UBE2W: variants seen among roughly 807,000 people sequenced by gnomAD.
UBE2W encodes the protein ubiquitin-conjugating enzyme E2 W.
Under a neutral mutation model 27.2 loss-of-function variants are expected in UBE2W, and 18 were observed. The observed-to-expected ratio is 0.66, with a 90% CI of 0.46 to 0.98. UBE2W has a LOEUF of 0.98. UBE2W is among the 50% of genes least tolerant of loss of function. The pLI is 0.00. For synonymous variants in UBE2W, 53 were observed against 57.2 expected (o/e 0.93, Z 0.33); for missense variants, 90 against 180.2 (o/e 0.50, Z 2.87).
chr8:73,853,511 T>A (rs1281847916), intron 1 of UBE2W, among the ~76,000 whole-genome samples: 3 of 152,172 alleles, frequency 2.0e-5, no homozygotes, highest in African/African-American at 7.2e-5. Flanking sequence ...TCCTCCTGCC[T>A]CAGCCTCAAA....
rs1808056820 is a variant in UBE2W, at chr8:73,788,492, G to T, written c.*5610C>A. On this transcript the variant is annotated 3_prime_UTR_variant, in exon 6 of 6. Coordinates refer to ENST00000602593, the MANE Select transcript of UBE2W (RefSeq NM_018299.6). ...TCAACCCAATAATCCATTTTACCTT[G>T]AACCTGACCACCAATTTGCCTTTAC... The T allele has an allele frequency of 2.0e-6, 2 of 985,232 alleles. No homozygotes were observed. The highest frequency in any genetic ancestry group is 2.4e-6 in the Non-Finnish European group (2 of 829,908). 61.0% of individuals were successfully genotyped at this position (985,232 alleles called of 1,614,324 possible).
chr8:73,808,784 G>C (rs1403141263), intron 4 of UBE2W, among the ~76,000 whole-genome samples: 1 of 152,102 alleles, frequency 6.6e-6, no homozygotes, highest in Non-Finnish European at 1.5e-5. Context: ...GCTTTAAATG[G>C]AATGATTAGT....
rs553507896 is a variant in UBE2W, at chr8:73,845,356, G to C, written c.16-14884C>G. On this transcript the variant is annotated intron_variant, in intron 1 of 5. Coordinates refer to ENST00000602593, the MANE Select transcript of UBE2W (RefSeq NM_018299.6). ...GACATAGGAGACTCCATTTTGTTCC[G>C]TACTAAGAGAAATTCTTCTGCCTTG... is the stretch of plus-strand genomic sequence containing the variant. Among the ~76,000 whole-genome samples the C allele has an allele frequency of 2.0e-5, 3 of 152,178 alleles. No homozygotes were observed. The South Asian group carries it at 6.2e-4, about 32-fold the overall frequency.
rs1454155289 is a variant in UBE2W, at chr8:73,790,773, T to C, written c.*3329A>G. On this transcript the variant is annotated 3_prime_UTR_variant, in exon 6 of 6. Coordinates refer to ENST00000602593, the MANE Select transcript of UBE2W (RefSeq NM_018299.6). ...ACTTGATTACCAGAAACAAGTAATA[T>C]GTAGTTACATAACCATTTTCATATC... 5.1e-6 allele frequency: 5 copies of C among 978,502 alleles called. No homozygotes were observed. The highest frequency in any genetic ancestry group is 6.1e-6 in the Non-Finnish European group (5 of 823,810). 60.6% of individuals were successfully genotyped at this position (978,502 alleles called of 1,614,324 possible).
At chr8:73,794,144 A>G (rs755622388) in intron 5 of UBE2W, 29 bp from the exon 6 acceptor site, 4 of 1,609,960 alleles carry the variant, frequency 2.5e-6, no homozygotes, top group Non-Finnish European at 2.5e-6. Context: ...AAAGATAATT[A>G]AAAAGTCAAG....
intron 1 of UBE2W, among the ~76,000 whole-genome samples, chr8:73,867,230 A>G (rs752183761): frequency 1.3e-5 from 2 of 151,720 alleles, no homozygotes; most frequent in African/African-American, 4.8e-5. Flanking sequence ...GCAAAACCCC[A>G]TCTCTACTAA....
intron 5 of UBE2W, among the ~76,000 whole-genome samples, chr8:73,799,864 AG>A (rs1189065339): frequency 6.6e-6 from 1 of 152,260 alleles, no homozygotes; most frequent in African/African-American, 2.4e-5. Context: ...TTTGAAAATT[AG>A]ATGATGCTAA....
chr8:73,867,442 G>T (rs539951579), intron 1 of UBE2W, among the ~76,000 whole-genome samples: 1 of 152,274 alleles, frequency 6.6e-6, no homozygotes, highest in African/African-American at 2.4e-5. Context: ...GGCTGAAGCA[G>T]GAGAATCGCT....
rs148733236 is a variant in UBE2W, at chr8:73,810,461, T to A, written c.366+13A>T. ...GAAGAGATATTATCTGGAATAATTCTGAAAAGTCTTACCTTTTCCTTGCAG... is the reference window on the plus strand; with the variant it reads ...GAAGAGATATTATCTGGAATAATTCAGAAAAGTCTTACCTTTTCCTTGCAG... On this transcript the variant is annotated intron_variant, in intron 4 of 5. Transcript: ENST00000602593. 9 of 1,603,286 alleles carry A rather than the reference T, an allele frequency of 5.6e-6. No individual in the cohort carries two copies. In the Admixed American group the frequency reaches 8.5e-5, roughly 15 times the overall value.
intron 3 of UBE2W, among the ~76,000 whole-genome samples, chr8:73,816,316 T>C (rs1809382604): frequency 6.6e-6 from 1 of 152,214 alleles, no homozygotes; most frequent in Admixed American, 6.5e-5. Flanking sequence ...ACTGTTAACC[T>C]TCTTGTCAGG....
chr8:73,872,916 G>A (rs199913127), intron 1 of UBE2W, among the ~76,000 whole-genome samples: 28 of 70,596 alleles, frequency 4.0e-4, no homozygotes, highest in Non-Finnish European at 8.8e-5. Context: ...TTTTTTTTTT[G>A]TTTTAGCTGG....
At chr8:73,820,707 A>G (rs1208474540) in intron 3 of UBE2W, among the ~76,000 whole-genome samples, 1 of 152,114 alleles carries the variant, frequency 6.6e-6, no homozygotes. Flanking sequence ...ACACCACTGC[A>G]CTCCAGCCTG....
At chr8:73,878,389 G>C (rs923054055) in intron 1 of UBE2W, among the ~76,000 whole-genome samples, 3 of 152,146 alleles carry the variant, frequency 2.0e-5, no homozygotes, top group Non-Finnish European at 4.4e-5. Context: ...TCAGCCCCCC[G>C]CCGCCCCTGC....
At chr8:73,809,055 A>T (rs1809038351) in intron 4 of UBE2W, among the ~76,000 whole-genome samples, 1 of 152,174 alleles carries the variant, frequency 6.6e-6, no homozygotes, top group South Asian at 2.1e-4. Flanking sequence ...TATAGTCTTT[A>T]AGCGTAACAG....
At chr8:73,846,733 C>T (rs1810818173) in intron 1 of UBE2W, among the ~76,000 whole-genome samples, 1 of 152,094 alleles carries the variant, frequency 6.6e-6, no homozygotes, top group African/African-American at 2.4e-5. Flanking sequence ...ACAAGGCATT[C>T]AACACATAAA....
At chr8:73,878,391 C>G (rs1812330390) in intron 1 of UBE2W, among the ~76,000 whole-genome samples, 1 of 152,228 alleles carries the variant, frequency 6.6e-6, no homozygotes, top group African/African-American at 2.4e-5. Flanking sequence ...AGCCCCCCGC[C>G]GCCCCTGCCC....
At chr8:73,849,612 A>G (rs1329511674) in intron 1 of UBE2W, among the ~76,000 whole-genome samples, 2 of 151,734 alleles carry the variant, frequency 1.3e-5, no homozygotes, top group East Asian at 3.8e-4. Context: ...ACTCAATCCA[A>G]AATAAGGAAA....
chr8:73,794,465 T>C lies in UBE2W; in HGVS notation c.443-350A>G, dbSNP rs145547339. Among the ~76,000 whole-genome samples, 651 of 152,306 alleles carry C rather than the reference T, an allele frequency of 4.3e-3. 6 individuals carry two copies. The highest frequency in any genetic ancestry group is 0.015 in the African/African-American group (625 of 41,572). On this transcript the variant is annotated intron_variant, in intron 5 of 5. Coordinates refer to ENST00000602593, the MANE Select transcript of UBE2W (RefSeq NM_018299.6). ...AGTTCACATTGTAATGAGACAGAAG[T>C]AAACTCCTGATCAACAGTGCCATGC... is the stretch of plus-strand genomic sequence containing the variant.
intron 1 of UBE2W, among the ~76,000 whole-genome samples, chr8:73,844,756 G>A (rs956624155): frequency 1.9e-4 from 28 of 151,068 alleles, no homozygotes; most frequent in African/African-American, 3.9e-4. Flanking sequence ...CCTCTGCCCC[G>A]CCGCCCCATC....
Sources: gnomAD v4.1 joint callset for allele counts (sites outside exome capture counted in the v4.1 genomes callset) on GRCh38, gnomAD v4.1.1 for gene constraint, MANE v1.5 for transcripts, NCBI Gene and HGNC (gene_info 2026-07-23, HGNC 2026-07-21) for gene names.